The following ABI3BP variants were observed in gnomAD, a reference collection of about 807,000 sequenced individuals.
ABI3BP encodes ABI family member 3 binding protein, also known as target of Nesh-SH3.
A neutral mutation model predicts 268.6 loss-of-function variants in ABI3BP; 216 were observed. The ratio of observed to expected loss-of-function variants is 0.80; its 90% CI spans 0.72 to 0.90. ABI3BP has a LOEUF of 0.90. Among genes scored for constraint, ABI3BP ranks in the 40% least tolerant of loss-of-function variants. The probability of loss-of-function intolerance (pLI) is 0.00; values close to 1 mark genes in which losing one functional copy is unlikely to be tolerated. For synonymous variants in ABI3BP, 730 were observed against 730.0 expected (o/e 1.00, Z 0.00); for missense variants, 2,090 against 2,182.4 (o/e 0.96, Z 0.84).
At chr3:100,761,576 C>A (rs1490198577) in intron 63 of ABI3BP, among the ~76,000 whole-genome samples, 1 of 152,018 alleles carries the variant, frequency 6.6e-6, no homozygotes, top group Non-Finnish European at 1.5e-5. Context: ...GAGCTTCTGG[C>A]AGGCTAGATA....
chr3:100,792,654 G>A (rs1230671455), intron 55 of ABI3BP, 37 bp downstream of exon 55: 2 of 1,587,762 alleles, frequency 1.3e-6, no homozygotes, highest in Non-Finnish European at 1.7e-6. Context: ...AAGCAAATAA[G>A]GAAAAGTTAT....
Position 100,833,170 on chromosome 3 carries a change from A to G in ABI3BP, c.2282-13T>C, listed in dbSNP as rs569924157. On this transcript the variant is annotated splice_polypyrimidine_tract_variant and intron_variant, in intron 29 of 67. Coordinates refer to ENST00000471714, the MANE Select transcript of ABI3BP (RefSeq NM_001375547.2). ...ATAGGTCCAAAGTCTGTAGCAAGAAATGATCAAAAGCAATTTTAAAAAGAA... is the reference window on the plus strand; with the variant it reads ...ATAGGTCCAAAGTCTGTAGCAAGAAGTGATCAAAAGCAATTTTAAAAAGAA... 67 of 1,533,424 alleles carry G rather than the reference A, an allele frequency of 4.4e-5. 2 individuals carry two copies. In the South Asian group the frequency reaches 7.5e-4, roughly 17 times the overall value. The allele number at this position is 1,533,424 out of a possible 1,614,324, so 95.0% of individuals were successfully genotyped here. A position where few individuals can be genotyped will look rare whatever the true frequency, so the allele number is the denominator to read the frequency against.
At chr3:100,825,065 T>G (rs1269732602) in intron 35 of ABI3BP, 124 bp from the exon 36 acceptor site, 1 of 757,526 alleles carries the variant, frequency 1.3e-6, no homozygotes, top group Non-Finnish European at 2.0e-6. Context: ...TAGTTTTACT[T>G]TTTCATTCCT....
chr3:100,947,179 A>G (rs1189742819), intron 1 of ABI3BP, among the ~76,000 whole-genome samples: 2 of 152,136 alleles, frequency 1.3e-5, no homozygotes, highest in Non-Finnish European at 2.9e-5. Context: ...CACATACCTG[A>G]TATATCTCAT....
chr3:100,903,921 A>C (rs1049995690), intron 2 of ABI3BP, among the ~76,000 whole-genome samples: 1 of 152,210 alleles, frequency 6.6e-6, no homozygotes, highest in African/African-American at 2.4e-5. Flanking sequence ...CACACAGATA[A>C]AGGAGCATTC....
rs1351434614 is a variant in ABI3BP at position 100,830,649 on chromosome 3, T to C, written c.2402-15A>G. 3.3e-6 allele frequency: 5 copies of C among 1,520,650 alleles called. No homozygotes were observed. In the East Asian group the frequency reaches 1.2e-4, roughly 37 times the overall value. 94.2% of individuals were successfully genotyped at this position (1,520,650 alleles called of 1,614,324 possible). On this transcript the variant is annotated splice_polypyrimidine_tract_variant and intron_variant, in intron 31 of 67. Transcript: ENST00000471714. Reference sequence around the variant, plus strand: ...TGTGGCAGGAACTGATCAAAAGTAATAAAAGAAACCAAAGAGATTTTGTGA... The same window carrying C: ...TGTGGCAGGAACTGATCAAAAGTAACAAAAGAAACCAAAGAGATTTTGTGA...
intron 2 of ABI3BP, among the ~76,000 whole-genome samples, chr3:100,905,698 G>A (rs981081465): frequency 6.6e-6 from 1 of 152,058 alleles, no homozygotes; most frequent in Non-Finnish European, 1.5e-5. Flanking sequence ...TGTATAAACT[G>A]TAAAATACAA....
intron 2 of ABI3BP, chr3:100,914,283 G>C (rs570366675): frequency 3.3e-5 from 8 of 243,368 alleles, no homozygotes; most frequent in East Asian, 1.8e-4. Context: ...AAGATCTGTT[G>C]AATAATGAAC....
In ABI3BP at chr3:100,774,604, C is replaced by T. The variant is rs979873976; in HGVS notation, c.4531+1G>A. 11 of 1,578,098 alleles carry T rather than the reference C, an allele frequency of 7.0e-6. No individual in the cohort carries two copies. The highest frequency in any genetic ancestry group is 9.5e-6 in the Non-Finnish European group (11 of 1,161,144). On this transcript the variant is annotated splice_donor_variant, in intron 61 of 67. Transcript: ENST00000471714. LOFTEE classifies it high-confidence loss of function. ...TGAGATTCACAGCCAGTCATACATA[C>T]CTTTGAATCTTGGCTTCCCAAGAGG...
chr3:100,855,493 C>T (rs2098929397), intron 14 of ABI3BP, among the ~76,000 whole-genome samples: 5 of 152,176 alleles, frequency 3.3e-5, no homozygotes, highest in Admixed American at 2.6e-4. Context: ...CTTATCACGA[C>T]TTACTTAATC....
At chr3:100,880,742 A>G (rs914976970) in intron 6 of ABI3BP, among the ~76,000 whole-genome samples, 2 of 152,180 alleles carry the variant, frequency 1.3e-5, no homozygotes, top group African/African-American at 4.8e-5. Context: ...ATGACAAGGA[A>G]CTTGCGTCTC....
At chr3:100,923,879 T>A (rs7431835) in intron 2 of ABI3BP, among the ~76,000 whole-genome samples, 17,785 of 152,110 alleles carry the variant, frequency 0.12, 1,201 homozygotes, top group Non-Finnish European at 0.15. Context: ...GATGGAGAAT[T>A]TTATTGTGAG....
intron 1 of ABI3BP, among the ~76,000 whole-genome samples, chr3:100,950,851 C>G (rs1208669362): frequency 6.6e-6 from 1 of 151,832 alleles, no homozygotes; most frequent in Non-Finnish European, 1.5e-5. Context: ...CCAGGCATCT[C>G]ATACTAGTCA....
chr3:100,895,906 C>T (rs1329913481), intron 4 of ABI3BP, among the ~76,000 whole-genome samples: 1 of 152,046 alleles, frequency 6.6e-6, no homozygotes, highest in African/African-American at 2.4e-5. Context: ...GCTTTTAAAT[C>T]GGGGCTATTA....
At chr3:100,830,148 T>C (rs374466965) in intron 32 of ABI3BP, among the ~76,000 whole-genome samples, 9 of 58,968 alleles carry the variant, frequency 1.5e-4, no homozygotes, top group East Asian at 6.3e-4. Context: ...TATATATATA[T>C]ATATATATAT....
chr3:100,771,849 TA>T (rs2096555579), intron 61 of ABI3BP, among the ~76,000 whole-genome samples: 1 of 151,998 alleles, frequency 6.6e-6, no homozygotes, highest in African/African-American at 2.4e-5. Flanking sequence ...TTTTAAGAAA[TA>T]ATGGTCCCAA....
chr3:100,921,239 A>G (rs1347897052), intron 2 of ABI3BP, among the ~76,000 whole-genome samples: 1 of 152,236 alleles, frequency 6.6e-6, no homozygotes, highest in East Asian at 1.9e-4. Context: ...TAGTGAACAC[A>G]TATTTTTAAA....
intron 51 of ABI3BP, among the ~76,000 whole-genome samples, chr3:100,800,886 A>G (rs2097516991): frequency 1.3e-5 from 2 of 152,190 alleles, no homozygotes; most frequent in Admixed American, 6.5e-5. Flanking sequence ...TACCTTCTCT[A>G]ATTCATACAT....
intron 63 of ABI3BP, among the ~76,000 whole-genome samples, chr3:100,756,781 T>TG (rs1286549415): frequency 1.3e-5 from 2 of 149,908 alleles, no homozygotes; most frequent in Non-Finnish European, 2.9e-5. Flanking sequence ...TTTGGGTTTT[T>TG]TTTTTTTTTT....
Sources: gnomAD v4.1 joint callset for allele counts (sites outside exome capture counted in the v4.1 genomes callset) on GRCh38, gnomAD v4.1.1 for gene constraint, MANE v1.5 for transcripts, NCBI Gene and HGNC (gene_info 2026-07-23, HGNC 2026-07-21) for gene names.